The following MALRD1 variants were observed in gnomAD, a reference collection of about 807,000 sequenced individuals.
MALRD1 encodes MAM and LDL-receptor class A domain-containing protein 1.
Under a neutral mutation model 242.1 loss-of-function variants are expected in MALRD1, and 247 were observed. The observed-to-expected ratio is 1.02, with a 90% CI of 0.92 to 1.13. The LOEUF (loss-of-function observed/expected upper bound fraction) is 1.13, where lower values mean the gene tolerates loss of function less well. Ranked by LOEUF, MALRD1 falls within the 50% of genes most tolerant of loss-of-function variation. MALRD1 has a pLI of 0.00. For synonymous variants in MALRD1, 995 were observed against 866.6 expected (o/e 1.15, Z -2.60); for missense variants, 2,989 against 2,533.1 (o/e 1.18, Z -3.86).
At chr10:19,112,352 G>A (rs138154404) in intron 5 of MALRD1, among the ~76,000 whole-genome samples, 7 of 152,072 alleles carry the variant, frequency 4.6e-5, no homozygotes, top group East Asian at 1.9e-4. Context: ...GAGACATGCC[G>A]TTCAGCATCT....
rs182014990 is a variant in MALRD1 at position 19,184,669 on chromosome 10, C to T, written c.1951+9341C>T. Reference sequence around the variant, plus strand: ...ATTCAAGTGATTCTCCTGCCTCAGCCTCCCTAGTGGCTAGACTACAGGTGA... The same window carrying T: ...ATTCAAGTGATTCTCCTGCCTCAGCTTCCCTAGTGGCTAGACTACAGGTGA... On this transcript the variant is annotated intron_variant, in intron 14 of 39. Coordinates refer to ENST00000454679, the MANE Select transcript of MALRD1 (RefSeq NM_001142308.3). 2.8e-3 allele frequency among the ~76,000 whole-genome samples: 421 copies of T among 152,256 alleles called. 2 individuals carry two copies. Among genetic ancestry groups the T allele is most frequent in the African/African-American group, 9.7e-3 (403 of 41,542 alleles).
chr10:19,711,311 A>G (rs1181188002), intron 38 of MALRD1: 1 of 152,248 alleles, frequency 6.6e-6, no homozygotes, highest in African/African-American at 2.4e-5. Flanking sequence ...GAAACACATA[A>G]GTCAGAAACT....
chr10:19,517,064 C>G (rs145324845), intron 31 of MALRD1, among the ~76,000 whole-genome samples: 56 of 152,292 alleles, frequency 3.7e-4, no homozygotes, highest in African/African-American at 1.3e-3. Flanking sequence ...AGTAATTCCT[C>G]TGGTTGAAGC....
intron 28 of MALRD1, among the ~76,000 whole-genome samples, chr10:19,445,992 C>T (rs920191791): frequency 7.2e-5 from 11 of 152,150 alleles, no homozygotes; most frequent in South Asian, 4.1e-4. Context: ...CAAGCCTCAG[C>T]GGTGGTGGAT....
intron 36 of MALRD1, among the ~76,000 whole-genome samples, chr10:19,622,393 A>G (rs1839444294): frequency 1.3e-5 from 2 of 151,724 alleles, no homozygotes; most frequent in South Asian, 2.1e-4. Flanking sequence ...AAAAGAGAAA[A>G]TATTAGAAAT....
intron 19 of MALRD1, among the ~76,000 whole-genome samples, chr10:19,261,035 C>T (rs966777270): frequency 3.9e-5 from 6 of 152,126 alleles, no homozygotes; most frequent in African/African-American, 7.2e-5. Flanking sequence ...CCCACATTGC[C>T]CCCAAATCTG....
chr10:19,400,909 G>T (rs138028583), intron 28 of MALRD1, among the ~76,000 whole-genome samples: 1 of 152,010 alleles, frequency 6.6e-6, no homozygotes, highest in African/African-American at 2.4e-5. Context: ...CTAATTACTC[G>T]GGAGGCTGAG....
At chr10:19,733,478 A>T (rs1038709402) in intron 39 of MALRD1, among the ~76,000 whole-genome samples, 5 of 152,068 alleles carry the variant, frequency 3.3e-5, no homozygotes, top group Non-Finnish European at 7.4e-5. Flanking sequence ...TTCAGTATTC[A>T]TCCTACCCCA....
At chr10:19,444,261 C>T (rs965247743) in intron 28 of MALRD1, among the ~76,000 whole-genome samples, 5 of 152,098 alleles carry the variant, frequency 3.3e-5, no homozygotes, top group Admixed American at 6.5e-5. Context: ...ACTCTTTATC[C>T]AATTTGCCAG....
chr10:19,553,853 G>A (rs576553931), intron 32 of MALRD1, among the ~76,000 whole-genome samples: 15 of 152,142 alleles, frequency 9.9e-5, no homozygotes, highest in Admixed American at 3.9e-4. Context: ...ATTCTCTCTC[G>A]TCTCCTAGGA....
At chr10:19,411,009 A>C (rs1833257602) in intron 28 of MALRD1, among the ~76,000 whole-genome samples, 1 of 152,052 alleles carries the variant, frequency 6.6e-6, no homozygotes, top group African/African-American at 2.4e-5. Context: ...TTTCTTTTTC[A>C]GAAAAATATT....
intron 21 of MALRD1, among the ~76,000 whole-genome samples, chr10:19,320,041 CT>C (rs34481531): frequency 0.11 from 7,975 of 73,164 alleles, 99 homozygotes; most frequent in African/African-American, 0.14. Flanking sequence ...TATAAAACTG[CT>C]TTTTTTTTTT....
chr10:19,050,297 C>T (rs1834451632), intron 1 of MALRD1, among the ~76,000 whole-genome samples: 1 of 150,862 alleles, frequency 6.6e-6, no homozygotes, highest in African/African-American at 2.4e-5. Context: ...CCGTTTTAGC[C>T]GGGATGGTCT....
intron 21 of MALRD1, among the ~76,000 whole-genome samples, chr10:19,292,758 T>TGGC (rs1239483854): frequency 6.6e-6 from 1 of 151,882 alleles, no homozygotes; most frequent in Non-Finnish European, 1.5e-5. Context: ...CCGGGCATGG[T>TGGC]GGCGGGCGCC....
intron 17 of MALRD1, among the ~76,000 whole-genome samples, chr10:19,208,656 C>T (rs556017508): frequency 1.3e-5 from 2 of 152,202 alleles, no homozygotes; most frequent in African/African-American, 4.8e-5. Context: ...CTGGGCTTCA[C>T]CCTATATCTA....
intron 13 of MALRD1, among the ~76,000 whole-genome samples, chr10:19,167,854 C>T (rs1486741783): frequency 6.6e-6 from 1 of 152,146 alleles, no homozygotes; most frequent in East Asian, 1.9e-4. Flanking sequence ...AGTGAACCAC[C>T]TCCCCATGAA....
intron 31 of MALRD1, among the ~76,000 whole-genome samples, chr10:19,525,929 A>C (rs1178288553): frequency 6.6e-6 from 1 of 152,130 alleles, no homozygotes; most frequent in Non-Finnish European, 1.5e-5. Flanking sequence ...AAACAAATAA[A>C]CGAAAATTCT....
chr10:19,293,856 A>G (rs766867594), intron 21 of MALRD1, among the ~76,000 whole-genome samples: 13 of 152,200 alleles, frequency 8.5e-5, no homozygotes, highest in South Asian at 2.1e-4. Flanking sequence ...TCCCCGTTAC[A>G]TGAATTTTAC....
intron 34 of MALRD1, among the ~76,000 whole-genome samples, chr10:19,603,465 T>G (rs1387922820): frequency 3.3e-5 from 5 of 152,124 alleles, no homozygotes; most frequent in African/African-American, 9.7e-5. Context: ...TTTCCTCATT[T>G]CTTGTTTTTG....
Sources: gnomAD v4.1 joint callset for allele counts (sites outside exome capture counted in the v4.1 genomes callset) on GRCh38, gnomAD v4.1.1 for gene constraint, MANE v1.5 for transcripts, NCBI Gene and HGNC (gene_info 2026-07-23, HGNC 2026-07-21) for gene names.